Variants in FARS2 observed in about 807,000 individuals in gnomAD.
The protein encoded by FARS2 is phenylalanine--tRNA ligase, mitochondrial.
In FARS2, 40 loss-of-function variants were observed where a neutral mutation model predicts 46.4. The observed-to-expected ratio is 0.86, with a 90% CI of 0.67 to 1.12. The LOEUF (loss-of-function observed/expected upper bound fraction) is 1.12. Ranked by LOEUF, FARS2 falls within the 50% of genes most tolerant of loss-of-function variation. The probability of loss-of-function intolerance (pLI) is 0.00; values close to 1 mark genes in which losing one functional copy is unlikely to be tolerated. For missense variants in FARS2, 513 were observed against 567.9 expected (o/e 0.90, Z 0.98); for synonymous variants, 234 against 214.9 (o/e 1.09, Z -0.78).
intron 6 of FARS2, among the ~76,000 whole-genome samples, chr6:5,758,962 T>A (rs1204578621): frequency 1.3e-5 from 2 of 150,134 alleles, no homozygotes; most frequent in African/African-American, 5.0e-5. Context: ...GGCAGAGAGA[T>A]TGGGGTTCTG....
chr6:5,512,170 A>G (rs1203022654), intron 4 of FARS2, among the ~76,000 whole-genome samples: 1 of 152,190 alleles, frequency 6.6e-6, no homozygotes, highest in Non-Finnish European at 1.5e-5. Flanking sequence ...AAGCAAAAAA[A>G]GGAAATTCAA....
rs528342824 is a variant in FARS2 at position 5,630,629 on chromosome 6, C to G, written c.1217+17309C>G. ...AAGTTTCACGTTGCTGTCATTTACC[C>G]GTTCTGATTTTCCTTCCTCGTATAG... On this transcript the variant is annotated intron_variant, in intron 6 of 6. Coordinates refer to ENST00000274680, the MANE Select transcript of FARS2 (RefSeq NM_006567.5). The surrounding 1 kb of genome is among the most constrained non-coding windows in gnomAD (Gnocchi z 4.2). 1.3e-5 allele frequency among the ~76,000 whole-genome samples: 2 copies of G among 152,142 alleles called. No individual in the cohort carries two copies. Among genetic ancestry groups the G allele is most frequent in the South Asian group, 4.1e-4 (2 of 4,830 alleles).
intron 6 of FARS2, among the ~76,000 whole-genome samples, chr6:5,687,903 A>C (rs1757370378): frequency 6.6e-6 from 1 of 152,158 alleles, no homozygotes; most frequent in East Asian, 1.9e-4. Flanking sequence ...TTCTCCTTGA[A>C]GAGGTCCTTC....
At chr6:5,663,644 A>G (rs893167653) in intron 6 of FARS2, among the ~76,000 whole-genome samples, 1 of 152,198 alleles carries the variant, frequency 6.6e-6, no homozygotes, top group African/African-American at 2.4e-5. Flanking sequence ...AAAAAAGACA[A>G]AAGTTGGTGT....
intron 6 of FARS2, among the ~76,000 whole-genome samples, chr6:5,636,270 G>A (rs1173309395): frequency 6.6e-6 from 1 of 152,240 alleles, no homozygotes; most frequent in Non-Finnish European, 1.5e-5. Context: ...GCAGGGTTGA[G>A]AAAATTTGAT....
intron 3 of FARS2, among the ~76,000 whole-genome samples, chr6:5,414,461 G>A (rs1033497630): frequency 2.0e-5 from 3 of 152,256 alleles, no homozygotes; most frequent in Admixed American, 6.5e-5. Flanking sequence ...TCTGCTTTCT[G>A]TTACTATAGG....
chr6:5,691,420 A>G (rs1467281881), intron 6 of FARS2, among the ~76,000 whole-genome samples: 3 of 152,138 alleles, frequency 2.0e-5, no homozygotes, highest in Non-Finnish European at 4.4e-5. Flanking sequence ...CAGGACCCTC[A>G]GCTATAGGTC....
chr6:5,688,650 G>A (rs1757442151), intron 6 of FARS2, among the ~76,000 whole-genome samples: 1 of 152,120 alleles, frequency 6.6e-6, no homozygotes, highest in South Asian at 2.1e-4. Context: ...AGGGATATTG[G>A]TCTAAAATTC....
rs188311876 is a variant in FARS2 at position 5,429,357 on chromosome 6, A to G, written c.773-1684A>G. On this transcript the variant is annotated intron_variant, in intron 3 of 6. Coordinates refer to ENST00000274680, the MANE Select transcript of FARS2 (RefSeq NM_006567.5). The stretch of plus-strand genomic sequence containing the variant: ...GCAGCTAAGAAGGAAAATAAATGCA[A>G]TTAAAACAAATCAATTAAAGAAAAA... Among the ~76,000 whole-genome samples the G allele has an allele frequency of 1.5e-3, 229 of 152,358 alleles. 2 individuals carry two copies. The highest frequency in any genetic ancestry group is 4.4e-3 in the African/African-American group (184 of 41,588).
At chr6:5,621,596 G>A (rs182214223) in intron 6 of FARS2, among the ~76,000 whole-genome samples, 1 of 152,126 alleles carries the variant, frequency 6.6e-6, no homozygotes. Flanking sequence ...CTTCAGTCTG[G>A]GAAAGTTTAC....
At chr6:5,459,905 C>A (rs1458006912) in intron 4 of FARS2, among the ~76,000 whole-genome samples, 1 of 152,138 alleles carries the variant, frequency 6.6e-6, no homozygotes, top group African/African-American at 2.4e-5. Context: ...TCCTTGATTT[C>A]TTTCCGCTTT....
At chr6:5,668,797 G>T (rs10900974) in intron 6 of FARS2, among the ~76,000 whole-genome samples, 137,079 of 150,708 alleles carry the variant, frequency 0.91, 62,999 homozygotes, top group East Asian at 1. Flanking sequence ...GTGTTCAAGT[G>T]ATTTTCCTGC....
chr6:5,506,550 T>C (rs1346600469), intron 4 of FARS2, among the ~76,000 whole-genome samples: 2 of 152,174 alleles, frequency 1.3e-5, no homozygotes, highest in African/African-American at 4.8e-5. Flanking sequence ...TTGGGATCAG[T>C]GCAGAAGCTT....
intron 4 of FARS2, among the ~76,000 whole-genome samples, chr6:5,488,378 A>G (rs548872133): frequency 6.6e-6 from 1 of 152,326 alleles, no homozygotes; most frequent in African/African-American, 2.4e-5. Context: ...ATCAGAGCTG[A>G]AGGATTTAGT....
At chr6:5,644,514 G>T (rs936415640) in intron 6 of FARS2, among the ~76,000 whole-genome samples, 1 of 152,068 alleles carries the variant, frequency 6.6e-6, no homozygotes, top group African/African-American at 2.4e-5. Context: ...TGCCTGGCCT[G>T]TTGTTTCCTT....
intron 1 of FARS2, among the ~76,000 whole-genome samples, chr6:5,297,046 C>T (rs755407313): frequency 2.6e-5 from 4 of 152,216 alleles, no homozygotes; most frequent in Non-Finnish European, 4.4e-5. Context: ...ACCAGCAGAG[C>T]ACAGGGGTTC....
At position 5,529,453 on chromosome 6, in the gene FARS2, G is replaced by A. The variant is rs184979352; in HGVS notation, c.905-15727G>A. 6.2e-3 allele frequency among the ~76,000 whole-genome samples: 948 copies of A among 152,094 alleles called. 10 individuals carry two copies. Among genetic ancestry groups the A allele is most frequent in the African/African-American group, 0.022 (897 of 41,488 alleles). ...CTCCCGAGTAGCTGGGGCTACAGGC[G>A]CCTGCCACCACACCCAGCTAATTTT... On this transcript the variant is annotated intron_variant, in intron 4 of 6. Coordinates refer to ENST00000274680, the MANE Select transcript of FARS2 (RefSeq NM_006567.5).
chr6:5,522,165 C>T (rs988588460), intron 4 of FARS2, among the ~76,000 whole-genome samples: 25 of 152,186 alleles, frequency 1.6e-4, no homozygotes, highest in African/African-American at 5.5e-4. Context: ...GTGGAGTCCA[C>T]CATGCACAGT....
rs1026299350 is a variant in FARS2, at chr6:5,311,991, T to C, written c.-22+50331T>C. On this transcript the variant is annotated intron_variant, in intron 1 of 6. Coordinates refer to ENST00000274680, the MANE Select transcript of FARS2 (RefSeq NM_006567.5). The surrounding 1 kb of genome is among the most constrained non-coding windows in gnomAD (Gnocchi z 4.1). ...GTGCATCGTAGAATCTTCGGTGTGTTGAAGGGTTTTATGTAATACAAACAT... is the reference window on the plus strand; with the variant it reads ...GTGCATCGTAGAATCTTCGGTGTGTCGAAGGGTTTTATGTAATACAAACAT... Among the ~76,000 whole-genome samples the C allele has an allele frequency of 6.6e-6, 1 of 152,174 alleles. No homozygotes were observed. Among genetic ancestry groups the C allele is most frequent in the Non-Finnish European group, 1.5e-5 (1 of 68,032 alleles).
Sources: allele counts gnomAD v4.1 joint callset (sites outside exome capture counted in the v4.1 genomes callset), GRCh38; gene constraint gnomAD v4.1.1; non-coding constraint Gnocchi (gnomAD v3.1); transcripts MANE v1.5; gene names NCBI Gene and HGNC (gene_info 2026-07-23, HGNC 2026-07-21).